The following MTUS1 variants were observed in gnomAD, a reference collection of about 807,000 sequenced individuals.
The protein encoded by MTUS1 is microtubule associated scaffold protein 1.
MTUS1 carries 109 observed loss-of-function variants against 120.8 expected under a neutral mutation model. That is an observed-to-expected ratio of 0.90 (90% CI 0.77 to 1.06). The LOEUF (loss-of-function observed/expected upper bound fraction) is 1.06. Ranked by LOEUF, MTUS1 falls within the 50% of genes least tolerant of loss-of-function variation. The pLI is 0.00. For synonymous variants in MTUS1, 737 were observed against 550.5 expected (o/e 1.34, Z -4.74); for missense variants, 2,210 against 1,486.3 (o/e 1.49, Z -8.01).
chr8:17,781,497 A>T (rs1413224039), intron 1 of MTUS1, among the ~76,000 whole-genome samples: 1 of 152,246 alleles, frequency 6.6e-6, no homozygotes, highest in Non-Finnish European at 1.5e-5. Flanking sequence ...CCTCTGAATG[A>T]CAGTGATTAA....
chr8:17,683,190 T>C (rs1814977599), intron 7 of MTUS1, among the ~76,000 whole-genome samples: 1 of 152,152 alleles, frequency 6.6e-6, no homozygotes. Context: ...GAGAATGGCA[T>C]GAACCCGGGA....
chr8:17,712,036 G>A (rs547709462), intron 6 of MTUS1, among the ~76,000 whole-genome samples: 3 of 152,114 alleles, frequency 2.0e-5, no homozygotes, highest in Non-Finnish European at 2.9e-5. Context: ...ACTGATCGCA[G>A]ATCACCGTAA....
chr8:17,798,927 T>G (rs78178984), intron 1 of MTUS1, among the ~76,000 whole-genome samples: 3,961 of 152,260 alleles, frequency 0.026, 174 homozygotes, highest in African/African-American at 0.09. Context: ...GGAAAACAAC[T>G]AGATTTCTTT....
chr8:17,679,964 T>C (rs942827122), intron 7 of MTUS1, among the ~76,000 whole-genome samples: 3 of 152,220 alleles, frequency 2.0e-5, no homozygotes, highest in African/African-American at 7.2e-5. Flanking sequence ...ATATATACTG[T>C]GTTGACTATT....
intron 6 of MTUS1, among the ~76,000 whole-genome samples, chr8:17,685,216 A>G (rs1815513402): frequency 6.6e-6 from 1 of 150,426 alleles, no homozygotes; most frequent in Non-Finnish European, 1.5e-5. Context: ...CGGCTTACAC[A>G]GTTTTTTTTT....
At chr8:17,789,136 G>A (rs1217878091) in intron 1 of MTUS1, among the ~76,000 whole-genome samples, 3 of 151,780 alleles carry the variant, frequency 2.0e-5, no homozygotes, top group Non-Finnish European at 2.9e-5. Context: ...AGGTTCAAGC[G>A]ATTCTCCTGC....
chr8:17,646,388 G>T (rs55653268), intron 14 of MTUS1, among the ~76,000 whole-genome samples: 12,690 of 151,996 alleles, frequency 0.083, 615 homozygotes, highest in Middle Eastern at 0.14. Context: ...AGGAGTTCAA[G>T]ATCAACTTGG....
chr8:17,691,764 A>G (rs1304249052), intron 6 of MTUS1, among the ~76,000 whole-genome samples: 1 of 152,202 alleles, frequency 6.6e-6, no homozygotes, highest in Non-Finnish European at 1.5e-5. Flanking sequence ...TTGTAGTACG[A>G]AAAACACAAG....
intron 8 of MTUS1, among the ~76,000 whole-genome samples, chr8:17,661,671 T>C (rs1036890013): frequency 7.5e-6 from 1 of 134,178 alleles, no homozygotes; most frequent in African/African-American, 3.0e-5. Context: ...GCTCTGACGT[T>C]TTGATAAGTG....
chr8:17,717,200 G>A (rs756581602), intron 4 of MTUS1, among the ~76,000 whole-genome samples: 2 of 152,146 alleles, frequency 1.3e-5, no homozygotes, highest in African/African-American at 4.8e-5. Context: ...CTAATATTAG[G>A]TCAAATCAAC....
At chr8:17,799,277 A>T (rs985734826) in intron 1 of MTUS1, among the ~76,000 whole-genome samples, 3 of 152,200 alleles carry the variant, frequency 2.0e-5, no homozygotes, top group Non-Finnish European at 4.4e-5. Flanking sequence ...AACCAGTTTG[A>T]TACATCTATG....
upstream of MTUS1, chr8:17,801,281 G>A (rs903502801): frequency 2.6e-5 from 4 of 151,964 alleles, no homozygotes; most frequent in Non-Finnish European, 5.9e-5. Flanking sequence ...GGGCCGCCAG[G>A]GGGTGGAGCA....
chr8:17,711,230 T>C lies in MTUS1; in HGVS notation c.2623+1984A>G, dbSNP rs145468432. Among the ~76,000 whole-genome samples the C allele has an allele frequency of 1.3e-3, 201 of 152,342 alleles. 1 individual carries two copies. Among genetic ancestry groups the C allele is most frequent in the African/African-American group, 4.6e-3 (192 of 41,580 alleles). ...TGAAGCCAGGCACTGACTTCTCCTG[T>C]TTACCTGTGCAAGTCCTAAACAGCA... On this transcript the variant is annotated intron_variant, in intron 6 of 14. Transcript: ENST00000693296.
intron 6 of MTUS1, among the ~76,000 whole-genome samples, chr8:17,695,752 T>C (rs193208060): frequency 6.6e-6 from 1 of 152,266 alleles, no homozygotes; most frequent in Non-Finnish European, 1.5e-5. Flanking sequence ...CTAAAACACA[T>C]TAACTTTAAA....
At position 17,754,271 on chromosome 8, in the gene MTUS1, T is replaced by G. The variant is rs1456608098; in HGVS notation, c.1537A>C (p.Lys513Gln). ...TGCAACACTGCTCTAGACATAACTT[T>G]TGCTTTGACATTCTTGAAGTTTGGT... is the stretch of plus-strand genomic sequence containing the variant. ...PRPNFKNVKA[K>Q]VMSRAVLQPK... Residue 513 changes from lysine to glutamine, a missense_variant, in exon 2 of 15, where the codon AAA becomes CAA. Lys to Gln is a moderately conservative substitution (Grantham distance 53). Transcript: ENST00000693296. 1.9e-6 allele frequency: 3 copies of G among 1,614,180 alleles called. No homozygotes were observed. The highest frequency in any genetic ancestry group is 2.5e-6 in the Non-Finnish European group (3 of 1,180,040).
intron 3 of MTUS1, among the ~76,000 whole-genome samples, chr8:17,728,077 G>C (rs572605760): frequency 6.6e-6 from 1 of 152,322 alleles, no homozygotes; most frequent in South Asian, 2.1e-4. Context: ...CAACAGGATA[G>C]TGTTAATATT....
chr8:17,775,318 G>A (rs1297946623), intron 1 of MTUS1, among the ~76,000 whole-genome samples: 1 of 151,962 alleles, frequency 6.6e-6, no homozygotes, highest in Non-Finnish European at 1.5e-5. Flanking sequence ...CAGAGCTAAT[G>A]GCTTCACCTT....
chr8:17,686,507 T>G (rs1472902787), intron 6 of MTUS1, among the ~76,000 whole-genome samples: 4 of 152,176 alleles, frequency 2.6e-5, no homozygotes, highest in Admixed American at 6.5e-5. Flanking sequence ...CTGATATCAT[T>G]TGTATATGTC....
Position 17,723,722 on chromosome 8 carries a change from G to A in MTUS1, c.2399C>T (p.Thr800Ile). 1 of 1,611,006 alleles carries A rather than the reference G, an allele frequency of 6.2e-7. No homozygotes were observed. Among genetic ancestry groups the A allele is most frequent in the Non-Finnish European group, 8.5e-7 (1 of 1,177,916 alleles). The part of the protein sequence containing the change: ...KSPALRRTGS[T>I]PSIASTHSEL... ...ACTGTGGGTGCTGGCTATTGAGGGG[G>A]TGCTTCCTGTCCTCCGCAGCGCAGG... The change falls in exon 4 of 15, where the codon ACC (threonine) becomes ATC (isoleucine). Residue 800 changes from threonine (T) to isoleucine (I), a missense_variant. By Grantham distance (89) the Thr-to-Ile change is moderately conservative. Transcript: ENST00000693296.
Sources: allele counts gnomAD v4.1 joint callset (sites outside exome capture counted in the v4.1 genomes callset), GRCh38; gene constraint gnomAD v4.1.1; transcripts MANE v1.5; gene names NCBI Gene and HGNC (gene_info 2026-07-23, HGNC 2026-07-21).